APIP: variants seen among roughly 807,000 people sequenced by gnomAD.
APIP encodes the protein methylthioribulose-1-phosphate dehydratase.
APIP carries 32 observed loss-of-function variants against 32.0 expected under a neutral mutation model. The observed-to-expected ratio is 1.00, with a 90% CI of 0.76 to 1.34. The LOEUF is 1.34. Among genes scored for constraint, APIP ranks in the 40% most tolerant of loss-of-function variants. The probability of loss-of-function intolerance (pLI) is 0.00; values close to 1 mark genes in which losing one functional copy is unlikely to be tolerated. For missense variants in APIP, 247 were observed against 298.6 expected, an observed-to-expected ratio of 0.83 and a Z score of 1.27; for synonymous variants, 92 against 94.8, an observed-to-expected ratio of 0.97 and a Z score of 0.17.
At chr11:34,904,244 T>A (rs781177182) in intron 1 of APIP, among the ~76,000 whole-genome samples, 1 of 152,228 alleles carries the variant, frequency 6.6e-6, no homozygotes, top group Non-Finnish European at 1.5e-5. Flanking sequence ...TGCTTTGGTC[T>A]ACCGAAGTAC....
intron 1 of APIP, among the ~76,000 whole-genome samples, chr11:34,913,955 T>C (rs1011795726): frequency 6.6e-6 from 1 of 152,170 alleles, no homozygotes; most frequent in African/African-American, 2.4e-5. Context: ...CTACTTTATG[T>C]TCCAGAACAC....
At chr11:34,904,573 T>G (rs576481970) in intron 1 of APIP, among the ~76,000 whole-genome samples, 2 of 152,292 alleles carry the variant, frequency 1.3e-5, no homozygotes, top group African/African-American at 4.8e-5. Context: ...CTGAGCTAGT[T>G]AAGCATGTAA....
intron 1 of APIP, among the ~76,000 whole-genome samples, chr11:34,909,846 G>A (rs1853518158): frequency 6.6e-6 from 1 of 152,098 alleles, no homozygotes; most frequent in African/African-American, 2.4e-5. Flanking sequence ...GGAGGAACTG[G>A]GCTTCTTGCC....
At chr11:34,908,833 TTATAAATTAGGTTC>T (rs1853496728) in intron 1 of APIP, among the ~76,000 whole-genome samples, 1 of 151,970 alleles carries the variant, frequency 6.6e-6, no homozygotes, top group Non-Finnish European at 1.5e-5. Context: ...CTGGAAGTGG[TTATAAATTAGGTTC>T]TGCAGGATGG....
chr11:34,896,784 G>T, intron 1 of APIP: 1 of 1,286,902 alleles, frequency 7.8e-7, no homozygotes, highest in Non-Finnish European at 1.0e-6. Flanking sequence ...GAGCGCCAAA[G>T]CCAGAATGTT....
chr11:34,888,883 G>T lies in APIP; in HGVS notation c.208-14C>A. ...CATGTCTTCAGGCTATTTATAGAGG[G>T]GAAAAAAAGAAAAAAAGAAGGCTTG... On this transcript the variant is annotated splice_polypyrimidine_tract_variant and intron_variant, in intron 3 of 6. Transcript: ENST00000395787. 5.2e-6 allele frequency: 7 copies of T among 1,358,034 alleles called. No homozygotes were observed. Among genetic ancestry groups the T allele is most frequent in the Non-Finnish European group, 5.9e-6 (6 of 1,023,710 alleles). The allele number at this position is 1,358,034 out of a possible 1,614,324, so 84.1% of individuals were successfully genotyped here.
At position 34,894,633 on chromosome 11, in the gene APIP, A is replaced by G. The variant is rs1240407727; in HGVS notation, c.158+377T>C. Among the ~76,000 whole-genome samples the G allele has an allele frequency of 2.0e-5, 3 of 152,146 alleles. No individual in the cohort carries two copies. In the East Asian group the frequency reaches 5.8e-4, roughly 29 times the overall value. ...CACTGCACTCCAGCCTGGGTGACAG[A>G]GCAAGACTCTGTTTCAAAAACCAAA... On this transcript the variant is annotated intron_variant, in intron 2 of 6. Transcript: ENST00000395787.
intron 5 of APIP, among the ~76,000 whole-genome samples, chr11:34,887,876 C>G (rs1056504055): frequency 1.3e-5 from 2 of 152,022 alleles, no homozygotes; most frequent in Non-Finnish European, 2.9e-5. Flanking sequence ...AAAAAACTTA[C>G]ATAAATATGA....
chr11:34,899,300 T>G (rs1028162915), intron 1 of APIP, among the ~76,000 whole-genome samples: 2 of 151,444 alleles, frequency 1.3e-5, no homozygotes. Context: ...GCTCTAAGCC[T>G]CTTCTGTGAA....
chr11:34,913,543 C>G (rs1036838025), intron 1 of APIP, among the ~76,000 whole-genome samples: 5 of 152,080 alleles, frequency 3.3e-5, no homozygotes, highest in African/African-American at 9.7e-5. Flanking sequence ...TTCATGGTCT[C>G]GCTGACTTCA....
At chr11:34,886,061 A>T (rs1372491901) in intron 5 of APIP, among the ~76,000 whole-genome samples, 1 of 142,030 alleles carries the variant, frequency 7.0e-6, no homozygotes, top group African/African-American at 2.4e-5. Flanking sequence ...ACACTATTTT[A>T]GGGTGTACTC....
intron 1 of APIP, 136 bp downstream of exon 1, chr11:34,916,092 G>A: frequency 1.7e-6 from 2 of 1,163,222 alleles, no homozygotes; most frequent in Admixed American, 2.6e-5. Context: ...GTGCGCCGGG[G>A]TAGCGAACGG....
intron 2 of APIP, among the ~76,000 whole-genome samples, chr11:34,893,844 C>T (rs1334782196): frequency 6.6e-6 from 1 of 152,206 alleles, no homozygotes; most frequent in Non-Finnish European, 1.5e-5. Flanking sequence ...TTATATTTTA[C>T]ATTCCATTCC....
chr11:34,885,571 GGGGCAATTGTC>G (rs1407767930), intron 5 of APIP, among the ~76,000 whole-genome samples: 1 of 152,122 alleles, frequency 6.6e-6, no homozygotes, highest in Admixed American at 6.5e-5. Context: ...CGAGAAATGG[GGGGCAATTGTC>G]GGGCAATTGT....
chr11:34,916,081 G>A, intron 1 of APIP, 147 bp downstream of exon 1: 4 of 1,061,670 alleles, frequency 3.8e-6, no homozygotes, highest in Non-Finnish European at 5.3e-6. Flanking sequence ...CCAAGGTCGC[G>A]GTGCGCCGGG....
At chr11:34,887,122 T>C (rs1428354752) in intron 5 of APIP, among the ~76,000 whole-genome samples, 1 of 152,168 alleles carries the variant, frequency 6.6e-6, no homozygotes, top group African/African-American at 2.4e-5. Context: ...TGTTAATGAC[T>C]CTATTACTCA....
At chr11:34,897,549 A>G (rs1853296870) in intron 1 of APIP, among the ~76,000 whole-genome samples, 1 of 151,078 alleles carries the variant, frequency 6.6e-6, no homozygotes, top group Non-Finnish European at 1.5e-5. Context: ...TTCTTTTAAT[A>G]ATGCAGCTTA....
At chr11:34,908,308 C>G (rs1471431205) in intron 1 of APIP, among the ~76,000 whole-genome samples, 5 of 152,124 alleles carry the variant, frequency 3.3e-5, no homozygotes, top group Admixed American at 2.0e-4. Context: ...TCCAAGATAC[C>G]CAGTAAATAC....
At chr11:34,914,510 C>A (rs904996526) in intron 1 of APIP, among the ~76,000 whole-genome samples, 1 of 152,092 alleles carries the variant, frequency 6.6e-6, no homozygotes, top group Non-Finnish European at 1.5e-5. Context: ...CAGACAAATA[C>A]AAATATCTAG....
Sources: gnomAD v4.1 joint callset for allele counts (sites outside exome capture counted in the v4.1 genomes callset) on GRCh38, gnomAD v4.1.1 for gene constraint, MANE v1.5 for transcripts, NCBI Gene and HGNC (gene_info 2026-07-23, HGNC 2026-07-21) for gene names.